The following LAIR1 variants were observed in gnomAD, a reference collection of about 807,000 sequenced individuals.
LAIR1 encodes the protein leukocyte associated immunoglobulin like receptor 1.
A neutral mutation model predicts 32.8 loss-of-function variants in LAIR1; 24 were observed. That is an observed-to-expected ratio of 0.73 (90% CI 0.53 to 1.03). The LOEUF (loss-of-function observed/expected upper bound fraction) is 1.03, where lower values mean the gene tolerates loss of function less well. LAIR1 is among the 50% of genes least tolerant of loss of function. LAIR1 has a pLI of 0.00. For missense variants in LAIR1, 355 were observed against 347.5 expected, an observed-to-expected ratio of 1.02 and a Z score of -0.17; for synonymous variants, 150 against 140.5, an observed-to-expected ratio of 1.07 and a Z score of -0.48.
upstream of LAIR1, among the ~76,000 whole-genome samples, chr19:54,367,755 ATATTTTTTTTAATTT>A (rs2082298048): frequency 7.1e-6 from 1 of 140,832 alleles, no homozygotes; most frequent in African/African-American, 2.9e-5. Flanking sequence ...AAAAAAATAT[ATATTTTTTTTAATTT>A]TTTTTTTTTT....
At position 54,356,551 on chromosome 19, in the gene LAIR1, G is replaced by C; in HGVS notation, c.523C>G (p.Leu175Val). The change falls in exon 6 of 10, where the codon CTC becomes GTC. Residue 175 changes from leucine (L) to valine (V), a missense_variant. Coordinates refer to ENST00000391742, the MANE Select transcript of LAIR1 (RefSeq NM_002287.6). ...AGGACCAGGAGGAGGAGACAGAAGA[G>C]GAAGACCACTGAGACCCCGATGAGA... is the stretch of plus-strand genomic sequence containing the variant. Reference protein sequence around the residue: ...YILIGVSVVFLFCLLLLVLFC... With the variant: ...YILIGVSVVFVFCLLLLVLFC... The C allele has an allele frequency of 6.2e-7, 1 of 1,614,014 alleles. No individual in the cohort carries two copies. The highest frequency in any genetic ancestry group is 1.3e-5 in the African/African-American group (1 of 74,980).
chr19:54,357,142 C>T, intron 4 of LAIR1, 176 bp from the exon 5 acceptor site: 2 of 601,496 alleles, frequency 3.3e-6, no homozygotes, highest in Non-Finnish European at 6.0e-6. Context: ...CTTTCTACAT[C>T]TACTGTCCAG....
chr19:54,367,765 T>A (rs1388728056), upstream of LAIR1, among the ~76,000 whole-genome samples: 113 of 131,756 alleles, frequency 8.6e-4, no homozygotes, highest in African/African-American at 3.7e-3. Context: ...ATATTTTTTT[T>A]AATTTTTTTT....
At chr19:54,374,870 C>A (rs1200907773), upstream of LAIR1, among the ~76,000 whole-genome samples, 4 of 152,064 alleles carry the variant, frequency 2.6e-5, no homozygotes, top group Non-Finnish European at 5.9e-5. Flanking sequence ...TCAGCCCAGC[C>A]CTTCGGTACC....
Position 54,361,155 on chromosome 19 carries a change from C to G in LAIR1, c.125G>C (p.Gly42Ala). 1 of 1,614,188 alleles carries G rather than the reference C, an allele frequency of 6.2e-7. No homozygotes were observed. The highest frequency in any genetic ancestry group is 8.5e-7 in the Non-Finnish European group (1 of 1,180,034). The change falls in exon 3 of 10, where the codon GGG becomes GCG. Residue 42 changes from glycine to alanine, a missense_variant. Physicochemically the swap from Gly to Ala is moderately conservative, Grantham distance 60 (BLOSUM62 0). Transcript: ENST00000391742. Reference sequence around the variant, plus strand: ...CCGGCACACGAAAGTCACATGGCTCCCCAGGGGGATCACGGTGCCTGGCTC... The same window carrying G: ...CCGGCACACGAAAGTCACATGGCTCGCCAGGGGGATCACGGTGCCTGGCTC... The part of the protein sequence containing the change: ...SAEPGTVIPL[G>A]SHVTFVCRGP...
chr19:54,368,763 G>A (rs370689060), upstream of LAIR1: 6 of 151,920 alleles, frequency 3.9e-5, no homozygotes, highest in South Asian at 4.2e-4. Context: ...GGAGTGTAAT[G>A]GTGCAATCTT....
rs752994457 is a variant in LAIR1, at chr19:54,356,010, G to A, written c.665-4C>T. ...AGTCCATTGACTGTGGCCTTGTCTT[G>A]GGGAGAAAATACATGGTCAGTTTTC... On this transcript the variant is annotated splice_polypyrimidine_tract_variant and splice_region_variant and intron_variant, in intron 8 of 9. Transcript: ENST00000391742. 2.4e-5 allele frequency: 39 copies of A among 1,607,156 alleles called. No individual in the cohort carries two copies. In the South Asian group the frequency reaches 3.8e-4, roughly 16 times the overall value.
At chr19:54,373,217 C>T (rs544893232), upstream of LAIR1, among the ~76,000 whole-genome samples, 13 of 150,754 alleles carry the variant, frequency 8.6e-5, 1 homozygote, top group East Asian at 1.8e-3. Flanking sequence ...CCAAGGCGGG[C>T]AGATCACGAG....
chr19:54,355,362 C>T lies in LAIR1; in HGVS notation c.770G>A (p.Trp257Ter). Residue 257 changes from tryptophan (W) to a stop codon, truncating the protein, a stop_gained, in exon 10 of 10, where the codon TGG becomes TAG. Transcript: ENST00000391742. LOFTEE classifies it low-confidence loss of function (END_TRUNC). The surrounding 1 kb of genome is among the most constrained non-coding windows in gnomAD (Gnocchi z 4.7). The part of the protein sequence containing the change: ...QEVTYAQLDH[W>*]ALTQRTARAV... The stretch of plus-strand genomic sequence containing the variant: ...CCGGGCTGTCCTCTGTGTGAGGGCC[C>T]AGTGGTCCAGCTGAGCATACGTCAC... 1 of 1,613,066 alleles carries T rather than the reference C, an allele frequency of 6.2e-7. No individual in the cohort carries two copies. The highest frequency in any genetic ancestry group is 8.5e-7 in the Non-Finnish European group (1 of 1,179,510).
chr19:54,363,398 T>C (rs1422160662), intron 2 of LAIR1, among the ~76,000 whole-genome samples: 8 of 151,926 alleles, frequency 5.3e-5, no homozygotes, highest in African/African-American at 1.9e-4. Flanking sequence ...CCGAGTGAAG[T>C]GTGGGCTCGT....
chr19:54,372,053 C>G (rs559652916), upstream of LAIR1, among the ~76,000 whole-genome samples: 2 of 151,770 alleles, frequency 1.3e-5, no homozygotes, highest in African/African-American at 2.4e-5. Context: ...TGAAGGGCAT[C>G]TTGGTTGCTT....
Position 54,355,465 on chromosome 19 carries a change from A to T in LAIR1, c.718-51T>A. ...GGAGTGCCTGGTGGAGGGTGAGACG[A>T]GGGGCTGTGGGGAGGGAGGGCTGTG... On this transcript the variant is annotated intron_variant, in intron 9 of 9. Coordinates refer to ENST00000391742, the MANE Select transcript of LAIR1 (RefSeq NM_002287.6). This position sits in a 1 kb window ranked among gnomAD's most constrained non-coding sequence, Gnocchi z 4.7. 1 of 1,506,928 alleles carries T rather than the reference A, an allele frequency of 6.6e-7. No homozygotes were observed. Among genetic ancestry groups the T allele is most frequent in the Non-Finnish European group, 8.9e-7 (1 of 1,120,826 alleles). 93.3% of individuals were successfully genotyped at this position (1,506,928 alleles called of 1,614,324 possible).
chr19:54,371,165 T>G (rs1439984675), upstream of LAIR1, among the ~76,000 whole-genome samples: 1 of 151,344 alleles, frequency 6.6e-6, no homozygotes, highest in African/African-American at 2.5e-5. Context: ...TGTTTCCCCC[T>G]CCTACCTCAG....
chr19:54,366,511 CG>C (rs913103377), upstream of LAIR1, among the ~76,000 whole-genome samples: 39 of 151,922 alleles, frequency 2.6e-4, no homozygotes, highest in African/African-American at 9.0e-4. Flanking sequence ...TTTTTTTAAA[CG>C]GAGTCTCGCT....
intron 4 of LAIR1, chr19:54,358,400 AT>A (rs1219733489): frequency 1.6e-3 from 121 of 74,390 alleles, no homozygotes; most frequent in Middle Eastern, 4.3e-3. Context: ...TATATATAAT[AT>A]ATATATATAT....
chr19:54,368,010 G>A (rs977854392), upstream of LAIR1, among the ~76,000 whole-genome samples: 7 of 151,862 alleles, frequency 4.6e-5, no homozygotes, highest in Admixed American at 2.0e-4. Context: ...CTGACCTCAT[G>A]ATCCACCCGC....
rs1483897204 is a variant in LAIR1 at position 54,364,565 on chromosome 19, G to T, written c.34+206C>A. ...TGCTCCCCCAGCCCTTCTTAAAGCT[G>T]ACCTCATCCCCACACCCGGGCCCCT... On this transcript the variant is annotated intron_variant, in intron 1 of 9. Coordinates refer to ENST00000391742, the MANE Select transcript of LAIR1 (RefSeq NM_002287.6). The surrounding 1 kb of genome is among the most constrained non-coding windows in gnomAD (Gnocchi z 4.8). 4 of 793,216 alleles carry T rather than the reference G, an allele frequency of 5.0e-6. No individual in the cohort carries two copies. The highest frequency in any genetic ancestry group is 1.4e-5 in the South Asian group (1 of 69,544). 49.1% of individuals were successfully genotyped at this position (793,216 alleles called of 1,614,324 possible). A position where few individuals can be genotyped will look rare whatever the true frequency, so the allele number is the denominator to read the frequency against.
At chr19:54,358,540 T>C (rs1347031642) in intron 4 of LAIR1, 1 of 1,609,060 alleles carries the variant, frequency 6.2e-7, no homozygotes, top group Admixed American at 1.7e-5. Context: ...TAACTATTTC[T>C]CCCCATTGAA....
chr19:54,359,394 C>T (rs544251496), intron 4 of LAIR1, among the ~76,000 whole-genome samples: 18 of 151,990 alleles, frequency 1.2e-4, no homozygotes, highest in South Asian at 8.3e-4. Context: ...AGGGAAGCCT[C>T]ATGGCTTCAT....
Sources: gnomAD v4.1 joint callset for allele counts (sites outside exome capture counted in the v4.1 genomes callset) on GRCh38, gnomAD v4.1.1 for gene constraint, Gnocchi (gnomAD v3.1) non-coding constraint, MANE v1.5 for transcripts, NCBI Gene and HGNC (gene_info 2026-07-23, HGNC 2026-07-21) for gene names.